RANBP2: variants seen among roughly 807,000 people sequenced by gnomAD.
The protein encoded by RANBP2 is E3 SUMO-protein ligase RanBP2.
A neutral mutation model predicts 303.6 loss-of-function variants in RANBP2; 57 were observed. That is an observed-to-expected ratio of 0.19 (90% CI 0.15 to 0.23). The LOEUF is 0.23. RANBP2 is among the 10% of genes least tolerant of loss of function. The pLI is 1.00. For synonymous variants in RANBP2, 1,167 were observed against 1,301.5 expected (o/e 0.90, Z 2.23); for missense variants, 3,138 against 3,780.8 (o/e 0.83, Z 4.46).
the RANBP2 span, among the ~76,000 whole-genome samples, chr2:109,513,961 C>T: frequency 7.2e-5 from 11 of 152,208 alleles, no homozygotes; most frequent in South Asian, 4.1e-4. Flanking sequence ...GGAGCCCAGG[C>T]AGCCTCCTGG....
the RANBP2 span, among the ~76,000 whole-genome samples, chr2:109,424,478 AT>A: frequency 6.6e-6 from 1 of 151,962 alleles, no homozygotes; most frequent in African/African-American, 2.4e-5. Flanking sequence ...CAGATACTGC[AT>A]TTTTTTTACA....
chr2:109,681,202 T>C, the RANBP2 span, among the ~76,000 whole-genome samples: 1 of 152,124 alleles, frequency 6.6e-6, no homozygotes, highest in Non-Finnish European at 1.5e-5. Context: ...TCAATTTATG[T>C]GAAGTTCAGA....
At chr2:109,748,812 G>A in the RANBP2 span, among the ~76,000 whole-genome samples, 1 of 149,190 alleles carries the variant, frequency 6.7e-6, no homozygotes, top group Non-Finnish European at 1.5e-5. Context: ...GGCGGAGGTT[G>A]CAGTGAGCCA....
the RANBP2 span, among the ~76,000 whole-genome samples, chr2:108,935,789 G>A: frequency 7.2e-5 from 11 of 152,166 alleles, no homozygotes; most frequent in African/African-American, 2.4e-4. Context: ...AGACAGATAG[G>A]GTCCCTGCTC....
At chr2:108,779,627 T>G (rs1014769420) in intron 25 of RANBP2, among the ~76,000 whole-genome samples, 1 of 152,184 alleles carries the variant, frequency 6.6e-6, no homozygotes, top group African/African-American at 2.4e-5. Flanking sequence ...TTTAAGACAG[T>G]GATTCAGCAA....
chr2:109,479,369 C>G, the RANBP2 span, among the ~76,000 whole-genome samples: 6 of 152,186 alleles, frequency 3.9e-5, no homozygotes, highest in Admixed American at 3.3e-4. Flanking sequence ...TTAGAAAATA[C>G]AATTTGCCAC....
At chr2:109,148,937 T>C in the RANBP2 span, among the ~76,000 whole-genome samples, 8 of 152,220 alleles carry the variant, frequency 5.3e-5, no homozygotes, top group African/African-American at 1.9e-4. Flanking sequence ...TAGACTTTAT[T>C]CTTTGTGGAG....
At chr2:109,452,885 G>T in the RANBP2 span, among the ~76,000 whole-genome samples, 1 of 144,358 alleles carries the variant, frequency 6.9e-6, no homozygotes, top group East Asian at 2.0e-4. Flanking sequence ...CAGGAGGCTG[G>T]TCCCAGGAGG....
the RANBP2 span, among the ~76,000 whole-genome samples, chr2:108,934,125 C>T: frequency 6.6e-6 from 1 of 152,134 alleles, no homozygotes; most frequent in Non-Finnish European, 1.5e-5. Context: ...TTAAAACGTT[C>T]CCAGGTAAAC....
chr2:109,041,407 C>T, the RANBP2 span, among the ~76,000 whole-genome samples: 2 of 152,196 alleles, frequency 1.3e-5, no homozygotes, highest in Non-Finnish European at 1.5e-5. Flanking sequence ...TTCCACATTT[C>T]ACTCTTAAGT....
chr2:109,147,208 C>G, the RANBP2 span, among the ~76,000 whole-genome samples: 1 of 152,132 alleles, frequency 6.6e-6, no homozygotes, highest in Admixed American at 6.5e-5. Context: ...GATGCCTGGA[C>G]TTTCTTGGAA....
the RANBP2 span, among the ~76,000 whole-genome samples, chr2:109,644,622 C>T: frequency 6.6e-6 from 1 of 152,188 alleles, no homozygotes; most frequent in African/African-American, 2.4e-5. Flanking sequence ...GTAGTAACCA[C>T]ATTCAGAACT....
At chr2:109,022,975 T>G in the RANBP2 span, among the ~76,000 whole-genome samples, 3 of 151,880 alleles carry the variant, frequency 2.0e-5, no homozygotes, top group African/African-American at 7.3e-5. Flanking sequence ...CACTTGAACC[T>G]GGGAGGTGGA....
chr2:109,373,572 T>A, the RANBP2 span, among the ~76,000 whole-genome samples: 9 of 151,340 alleles, frequency 5.9e-5, no homozygotes, highest in Middle Eastern at 3.4e-3. Flanking sequence ...GCCGTATGGG[T>A]TTTTTTAGGA....
chr2:109,287,774 A>G, the RANBP2 span, among the ~76,000 whole-genome samples: 57 of 152,208 alleles, frequency 3.7e-4, no homozygotes, highest in Admixed American at 1.8e-3. Flanking sequence ...CTTCCCTTTC[A>G]GGCCTCAGAT....
the RANBP2 span, among the ~76,000 whole-genome samples, chr2:109,336,830 C>A: frequency 6.6e-6 from 1 of 152,152 alleles, no homozygotes; most frequent in Admixed American, 6.5e-5. Context: ...TGCCGAGGGA[C>A]CCTCTCCTGC....
the RANBP2 span, among the ~76,000 whole-genome samples, chr2:108,937,095 C>A: frequency 2.6e-5 from 4 of 152,240 alleles, no homozygotes; most frequent in African/African-American, 4.8e-5. Flanking sequence ...CTTCCCAAGG[C>A]TGGAGTGGAG....
the RANBP2 span, among the ~76,000 whole-genome samples, chr2:109,199,383 T>TCATCC: frequency 1.0e-5 from 1 of 99,374 alleles, no homozygotes; most frequent in Non-Finnish European, 2.1e-5. Flanking sequence ...TGGAATGGAA[T>TCATCC]GGAATGGAAT....
the RANBP2 span, among the ~76,000 whole-genome samples, chr2:109,245,466 G>A: frequency 6.6e-6 from 1 of 152,150 alleles, no homozygotes; most frequent in African/African-American, 2.4e-5. Context: ...GCACATTAGT[G>A]CTTCCTATGT....
Sources: gnomAD v4.1 joint callset for allele counts (sites outside exome capture counted in the v4.1 genomes callset) on GRCh38, gnomAD v4.1.1 for gene constraint, MANE v1.5 for transcripts, NCBI Gene and HGNC (gene_info 2026-07-23, HGNC 2026-07-21) for gene names.